Variants in TADA2A observed in about 807,000 individuals in gnomAD.
The protein encoded by TADA2A is transcriptional adapter 2-alpha.
In TADA2A, 38 loss-of-function variants were observed where a neutral mutation model predicts 67.4. The ratio of observed to expected loss-of-function variants is 0.56; its 90% CI spans 0.44 to 0.74. TADA2A has a LOEUF of 0.74. Among genes scored for constraint, TADA2A ranks in the 30% least tolerant of loss-of-function variants. TADA2A has a pLI of 0.00. For synonymous variants in TADA2A, 192 were observed against 181.6 expected, an observed-to-expected ratio of 1.06 and a Z score of -0.46; for missense variants, 454 against 547.0, an observed-to-expected ratio of 0.83 and a Z score of 1.70.
At chr17:37,466,925 G>A (rs2148036176) in intron 11 of TADA2A, among the ~76,000 whole-genome samples, 1 of 152,308 alleles carries the variant, frequency 6.6e-6, no homozygotes, top group East Asian at 1.9e-4. Flanking sequence ...GGAAGGCCGA[G>A]GCGGGTGGAT....
intron 2 of TADA2A, among the ~76,000 whole-genome samples, chr17:37,422,483 T>TTATTATTATTATTATTA (rs2052270890): frequency 2.3e-5 from 2 of 86,738 alleles, no homozygotes; most frequent in African/African-American, 9.4e-5. Context: ...GCCCAGCTGA[T>TTATTATTATTATTATTA]TATTATTATT....
chr17:37,424,505 ACT>A (rs1476398647), intron 3 of TADA2A, among the ~76,000 whole-genome samples: 2 of 150,896 alleles, frequency 1.3e-5, no homozygotes, highest in African/African-American at 4.9e-5. Flanking sequence ...ACAGAGCAAG[ACT>A]CTGTATCAAA....
At chr17:37,416,140 C>T (rs551389405) in intron 2 of TADA2A, among the ~76,000 whole-genome samples, 12 of 141,372 alleles carry the variant, frequency 8.5e-5, no homozygotes, top group African/African-American at 2.6e-4. Flanking sequence ...TTTTTTTAAA[C>T]GGAGTTTCAC....
chr17:37,427,811 G>T (rs1291002196), intron 4 of TADA2A, among the ~76,000 whole-genome samples: 1 of 152,080 alleles, frequency 6.6e-6, no homozygotes, highest in Non-Finnish European at 1.5e-5. Flanking sequence ...GTGAAACCCT[G>T]TCTCTATTAA....
intron 12 of TADA2A, among the ~76,000 whole-genome samples, chr17:37,470,196 G>A (rs2522968): frequency 0.73 from 110,268 of 151,976 alleles, 40,629 homozygotes; most frequent in East Asian, 0.97. Flanking sequence ...GAATACAAAT[G>A]TTTAATATTT....
At chr17:37,458,640 TGTGTGTGTGTGTGTGTG>T in intron 9 of TADA2A, 53 bp downstream of exon 9, 2 of 342,184 alleles carry the variant, frequency 5.8e-6, no homozygotes, top group Non-Finnish European at 4.0e-6. Flanking sequence ...TATTGTTTTG[TGTGTGTGTGTGTGTGTG>T]TGTGTGTGTG....
chr17:37,463,934 C>T (rs932245350), intron 10 of TADA2A, among the ~76,000 whole-genome samples: 1 of 151,238 alleles, frequency 6.6e-6, no homozygotes, highest in African/African-American at 2.4e-5. Context: ...GCCTGGGCGA[C>T]ACAGCGAGAC....
intron 5 of TADA2A, among the ~76,000 whole-genome samples, chr17:37,438,605 C>T (rs1303437281): frequency 6.6e-6 from 1 of 152,138 alleles, no homozygotes; most frequent in African/African-American, 2.4e-5. Flanking sequence ...TGCCTGCCTC[C>T]CTTATGTCCA....
chr17:37,424,112 C>T (rs2052331096), intron 3 of TADA2A, among the ~76,000 whole-genome samples: 1 of 152,058 alleles, frequency 6.6e-6, no homozygotes, highest in Non-Finnish European at 1.5e-5. Context: ...ATGAGACAGA[C>T]TGTTGATTAG....
At chr17:37,426,752 C>T in intron 3 of TADA2A, 198 bp from the exon 4 acceptor site, 1 of 397,390 alleles carries the variant, frequency 2.5e-6, no homozygotes, top group Non-Finnish European at 4.5e-6. Context: ...GACTGAGGTA[C>T]AAGGATCCCT....
intron 2 of TADA2A, among the ~76,000 whole-genome samples, chr17:37,415,352 G>C (rs1025280776): frequency 6.6e-6 from 1 of 151,966 alleles, no homozygotes; most frequent in East Asian, 1.9e-4. Flanking sequence ...TTTTATAGTT[G>C]CATAATACTT....
At chr17:37,429,808 T>G (rs62071218) in intron 4 of TADA2A, among the ~76,000 whole-genome samples, 1 of 151,936 alleles carries the variant, frequency 6.6e-6, no homozygotes, top group Non-Finnish European at 1.5e-5. Context: ...CCTTCCTCTA[T>G]CCATCTCTAA....
At chr17:37,447,435 G>A (rs2053115117) in intron 8 of TADA2A, among the ~76,000 whole-genome samples, 1 of 152,120 alleles carries the variant, frequency 6.6e-6, no homozygotes, top group African/African-American at 2.4e-5. Context: ...GATTACAGGG[G>A]TTAGCCACCG....
At chr17:37,469,147 T>C (rs1457805886) in intron 12 of TADA2A, among the ~76,000 whole-genome samples, 1 of 151,194 alleles carries the variant, frequency 6.6e-6, no homozygotes, top group Non-Finnish European at 1.5e-5. Context: ...CCTCAGGTGA[T>C]CCACCCACCT....
At chr17:37,430,348 A>G (rs937910847) in intron 4 of TADA2A, among the ~76,000 whole-genome samples, 5 of 152,144 alleles carry the variant, frequency 3.3e-5, no homozygotes, top group African/African-American at 1.2e-4. Flanking sequence ...CTTTCCTTCT[A>G]TAGGCATGAT....
chr17:37,454,679 CAA>C, intron 8 of TADA2A: 1 of 292,740 alleles, frequency 3.4e-6, no homozygotes, highest in Non-Finnish European at 7.1e-6. Context: ...GGAAGAAATT[CAA>C]AAGAAAAGAA....
rs190622592 is a variant in TADA2A at position 37,444,569 on chromosome 17, A to G, written c.532-127A>G. 1.9e-4 allele frequency: 150 copies of G among 779,786 alleles called. No homozygotes were observed. The African/African-American group carries it at 1.9e-3, about 10-fold the overall frequency. 48.3% of individuals were successfully genotyped at this position (779,786 alleles called of 1,614,324 possible). On this transcript the variant is annotated intron_variant, in intron 7 of 15. Coordinates refer to ENST00000615182, the MANE Select transcript of TADA2A (RefSeq NM_001166105.3). The stretch of plus-strand genomic sequence containing the variant: ...TGTGCCAGTATTGTGGCCTTTTGCC[A>G]TATTTAGACTTTTTAAACAACTGTT...
chr17:37,469,166 C>T (rs1037713755), intron 12 of TADA2A, among the ~76,000 whole-genome samples: 3 of 151,832 alleles, frequency 2.0e-5, no homozygotes, highest in Admixed American at 2.0e-4. Flanking sequence ...CTCAGCCTCC[C>T]AAAGCGCTGG....
intron 1 of TADA2A, among the ~76,000 whole-genome samples, chr17:37,410,247 G>A (rs2051819761): frequency 6.6e-6 from 1 of 151,780 alleles, no homozygotes; most frequent in Non-Finnish European, 1.5e-5. Flanking sequence ...TGCAGTGGTG[G>A]CTCACTGCAT....
Sources: gnomAD v4.1 joint callset for allele counts (sites outside exome capture counted in the v4.1 genomes callset) on GRCh38, gnomAD v4.1.1 for gene constraint, MANE v1.5 for transcripts, NCBI Gene and HGNC (gene_info 2026-07-23, HGNC 2026-07-21) for gene names.